KLF12: variants seen among roughly 807,000 people sequenced by gnomAD.
KLF12 encodes the protein Krueppel-like factor 12.
A neutral mutation model predicts 37.8 loss-of-function variants in KLF12; 9 were observed. The observed-to-expected ratio is 0.24, with a 90% CI of 0.14 to 0.42. The LOEUF is 0.42. KLF12 is among the 10% of genes least tolerant of loss of function. The probability of loss-of-function intolerance (pLI) is 1.00; values close to 1 mark genes in which losing one functional copy is unlikely to be tolerated. For synonymous variants in KLF12, 208 were observed against 202.1 expected (o/e 1.03, Z -0.25); for missense variants, 411 against 516.0 (o/e 0.80, Z 1.97).
chr13:74,197,255 T>C, the KLF12 span, among the ~76,000 whole-genome samples: 1 of 152,218 alleles, frequency 6.6e-6, no homozygotes, highest in East Asian at 1.9e-4. Flanking sequence ...TTGATGGTTA[T>C]TTTGAATTCT....
intron 2 of KLF12, among the ~76,000 whole-genome samples, chr13:73,988,416 T>C (rs1477246027): frequency 6.6e-6 from 1 of 152,212 alleles, no homozygotes; most frequent in Non-Finnish European, 1.5e-5. Flanking sequence ...AATGAAGTCT[T>C]CAAGGCAGAG....
At chr13:73,891,747 C>G (rs1162999693) in intron 3 of KLF12, among the ~76,000 whole-genome samples, 1 of 152,062 alleles carries the variant, frequency 6.6e-6, no homozygotes, top group Non-Finnish European at 1.5e-5. Context: ...GCTGCATATG[C>G]AGATGACAAG....
intron 1 of KLF12, among the ~76,000 whole-genome samples, chr13:74,110,826 G>C (rs992180151): frequency 2.0e-5 from 3 of 152,098 alleles, no homozygotes; most frequent in Admixed American, 2.0e-4. Flanking sequence ...CTGCAAATAG[G>C]ATATGAGTAC....
At chr13:73,981,264 T>TG (rs1340747723) in intron 2 of KLF12, among the ~76,000 whole-genome samples, 1 of 152,208 alleles carries the variant, frequency 6.6e-6, no homozygotes, top group Non-Finnish European at 1.5e-5. Context: ...ATTCTACTTC[T>TG]GGGTATATAT....
intron 2 of KLF12, among the ~76,000 whole-genome samples, chr13:73,992,089 G>A (rs1272740713): frequency 6.6e-6 from 1 of 152,254 alleles, no homozygotes; most frequent in East Asian, 1.9e-4. Context: ...ACTCTGATAA[G>A]CTGGACTAAT....
chr13:73,914,315 G>A (rs1234525521), intron 3 of KLF12, among the ~76,000 whole-genome samples: 2 of 152,150 alleles, frequency 1.3e-5, no homozygotes, highest in Admixed American at 6.5e-5. Context: ...CAACCCACTC[G>A]TCCCCTGGGA....
chr13:73,724,828 C>G (rs201127577), intron 6 of KLF12, among the ~76,000 whole-genome samples: 1 of 152,138 alleles, frequency 6.6e-6, no homozygotes, highest in Non-Finnish European at 1.5e-5. Flanking sequence ...GGTTTCTTGA[C>G]CCCTAGAGCT....
chr13:74,287,828 T>A, the KLF12 span, among the ~76,000 whole-genome samples: 1 of 152,220 alleles, frequency 6.6e-6, no homozygotes, highest in Non-Finnish European at 1.5e-5. Flanking sequence ...GAGCAACTTG[T>A]GTGCAAAGTC....
chr13:73,980,989 G>A (rs1891675390), intron 2 of KLF12, among the ~76,000 whole-genome samples: 1 of 152,132 alleles, frequency 6.6e-6, no homozygotes, highest in African/African-American at 2.4e-5. Context: ...GCAAAACCTT[G>A]TCTCTATAAA....
intron 3 of KLF12, among the ~76,000 whole-genome samples, chr13:73,886,020 T>C (rs1434358744): frequency 6.6e-6 from 1 of 152,264 alleles, no homozygotes; most frequent in East Asian, 1.9e-4. Flanking sequence ...CATTAAGGGA[T>C]AGTTCTGATG....
chr13:74,029,254 T>C (rs1893055846), intron 1 of KLF12, among the ~76,000 whole-genome samples: 3 of 152,108 alleles, frequency 2.0e-5, no homozygotes. Context: ...GCACTTTTAT[T>C]TCTATTTCTT....
intron 4 of KLF12, among the ~76,000 whole-genome samples, chr13:73,827,008 T>TTCAAGCCCCCAGGA (rs1883884718): frequency 1.3e-5 from 2 of 152,184 alleles, no homozygotes; most frequent in African/African-American, 4.8e-5. Flanking sequence ...CTTGAACTCC[T>TTCAAGCCCCCAGGA]GGGCTTAAGT....
intron 6 of KLF12, among the ~76,000 whole-genome samples, chr13:73,740,576 A>G (rs1221547039): frequency 6.6e-6 from 1 of 152,122 alleles, no homozygotes; most frequent in African/African-American, 2.4e-5. Context: ...CCTAGCCTCA[A>G]ATGATCCTTC....
intron 3 of KLF12, among the ~76,000 whole-genome samples, chr13:73,924,971 T>A (rs1889304843): frequency 6.6e-6 from 1 of 152,196 alleles, no homozygotes; most frequent in South Asian, 2.1e-4. Flanking sequence ...TCTTCCATTC[T>A]ATGAGGCTGA....
the KLF12 span, among the ~76,000 whole-genome samples, chr13:74,275,807 C>CTTCTTTCT: frequency 1.4e-3 from 70 of 50,298 alleles, no homozygotes; most frequent in Admixed American, 3.1e-3. Context: ...TCTTTCTTTC[C>CTTCTTTCT]TTCTTTCTTT....
intron 3 of KLF12, among the ~76,000 whole-genome samples, chr13:73,851,258 C>G (rs757881601): frequency 6.6e-6 from 1 of 152,148 alleles, no homozygotes; most frequent in Non-Finnish European, 1.5e-5. Context: ...CTGAATGTAG[C>G]GTAAGATATA....
At chr13:74,266,329 T>C in the KLF12 span, among the ~76,000 whole-genome samples, 1 of 152,184 alleles carries the variant, frequency 6.6e-6, no homozygotes, top group Non-Finnish European at 1.5e-5. Context: ...TACTGGACCT[T>C]GGTAGGACTA....
At chr13:73,945,648 C>CA (rs11404614) in intron 2 of KLF12, among the ~76,000 whole-genome samples, 91,135 of 150,068 alleles carry the variant, frequency 0.61, 27,787 homozygotes, top group Admixed American at 0.67. Context: ...AAGGAATCAA[C>CA]AAAAAAAAAG....
chr13:73,943,051 T>A (rs1197954450), intron 3 of KLF12, among the ~76,000 whole-genome samples: 2 of 152,238 alleles, frequency 1.3e-5, no homozygotes, highest in African/African-American at 4.8e-5. Flanking sequence ...CTCATCCACA[T>A]TGATTTTTAT....
Sources: gnomAD v4.1 joint callset for allele counts (sites outside exome capture counted in the v4.1 genomes callset) on GRCh38, gnomAD v4.1.1 for gene constraint, MANE v1.5 for transcripts, NCBI Gene and HGNC (gene_info 2026-07-23, HGNC 2026-07-21) for gene names.